KHDRBS2: variants seen among roughly 807,000 people sequenced by gnomAD.
The protein encoded by KHDRBS2 is KH domain-containing, RNA-binding, signal transduction-associated protein 2.
A neutral mutation model predicts 44.3 loss-of-function variants in KHDRBS2; 26 were observed. That is an observed-to-expected ratio of 0.59 (90% confidence interval 0.43 to 0.81). KHDRBS2 has a LOEUF of 0.81. Among genes scored for constraint, KHDRBS2 ranks in the 40% least tolerant of loss-of-function variants. The probability of loss-of-function intolerance (pLI) is 0.00; values close to 1 mark genes in which losing one functional copy is unlikely to be tolerated. For missense variants in KHDRBS2, 476 were observed against 433.1 expected, an observed-to-expected ratio of 1.10 and a Z score of -0.88; for synonymous variants, 194 against 151.1, an observed-to-expected ratio of 1.28 and a Z score of -2.08.
intron 1 of KHDRBS2, among the ~76,000 whole-genome samples, chr6:62,214,704 A>G (rs891524110): frequency 1.3e-5 from 2 of 151,978 alleles, no homozygotes; most frequent in Non-Finnish European, 2.9e-5. Flanking sequence ...TGTGCTCAAA[A>G]GAGGAAACTG....
At chr6:61,643,772 A>T in the KHDRBS2 span, among the ~76,000 whole-genome samples, 11 of 152,220 alleles carry the variant, frequency 7.2e-5, no homozygotes, top group Admixed American at 1.3e-4. Context: ...CTCTGCAATG[A>T]GAATTACAAA....
At chr6:62,219,089 G>T (rs1465759269) in intron 1 of KHDRBS2, among the ~76,000 whole-genome samples, 2 of 151,632 alleles carry the variant, frequency 1.3e-5, no homozygotes, top group East Asian at 3.9e-4. Flanking sequence ...CACACTAACA[G>T]CCAAGACTTC....
chr6:61,901,502 T>C (rs182527916), intron 4 of KHDRBS2, 131 bp from the exon 5 acceptor site: 45 of 669,790 alleles, frequency 6.7e-5, no homozygotes, highest in Middle Eastern at 4.3e-4. Flanking sequence ...GAACTTTATA[T>C]GCAAAAATAT....
At chr6:61,656,656 C>T in the KHDRBS2 span, among the ~76,000 whole-genome samples, 1 of 151,808 alleles carries the variant, frequency 6.6e-6, no homozygotes. Flanking sequence ...GTAGACACAC[C>T]AGGGTCTACT....
At chr6:61,674,002 G>T in the KHDRBS2 span, among the ~76,000 whole-genome samples, 1 of 151,738 alleles carries the variant, frequency 6.6e-6, no homozygotes, top group Non-Finnish European at 1.5e-5. Flanking sequence ...ATTCTTTAAA[G>T]CAGAGTTTTG....
intron 1 of KHDRBS2, among the ~76,000 whole-genome samples, chr6:62,277,543 CGT>C (rs1412008302): frequency 6.6e-6 from 1 of 152,132 alleles, no homozygotes; most frequent in South Asian, 2.1e-4. Context: ...GGGGTTTCAC[CGT>C]GTTAGGCAGG....
intron 4 of KHDRBS2, among the ~76,000 whole-genome samples, chr6:61,925,627 T>A (rs1047835906): frequency 8.0e-5 from 12 of 150,528 alleles, no homozygotes; most frequent in Non-Finnish European, 1.5e-4. Context: ...GAGGCTGAAG[T>A]GGGAGGATCG....
intron 2 of KHDRBS2, among the ~76,000 whole-genome samples, chr6:62,071,897 T>C (rs1795203970): frequency 6.6e-6 from 1 of 152,178 alleles, no homozygotes; most frequent in Non-Finnish European, 1.5e-5. Context: ...GGTAGCTTGA[T>C]GGGGATGGCA....
At chr6:62,056,058 C>T (rs958772767) in intron 2 of KHDRBS2, among the ~76,000 whole-genome samples, 1 of 151,982 alleles carries the variant, frequency 6.6e-6, no homozygotes, top group Non-Finnish European at 1.5e-5. Context: ...ATCTTTACGG[C>T]CTGTTGGTGG....
At chr6:61,956,882 A>G (rs1470628953) in intron 4 of KHDRBS2, among the ~76,000 whole-genome samples, 1 of 149,348 alleles carries the variant, frequency 6.7e-6, no homozygotes, top group Non-Finnish European at 1.5e-5. Flanking sequence ...TATGCATAGC[A>G]AACATTCCAT....
At chr6:61,670,048 C>T in the KHDRBS2 span, among the ~76,000 whole-genome samples, 5 of 151,236 alleles carry the variant, frequency 3.3e-5, no homozygotes, top group Admixed American at 2.7e-4. Context: ...TAGAAAAGAA[C>T]TATAAACCAA....
At chr6:62,033,439 A>G (rs1233875999) in intron 3 of KHDRBS2, among the ~76,000 whole-genome samples, 4 of 151,972 alleles carry the variant, frequency 2.6e-5, no homozygotes, top group Non-Finnish European at 5.9e-5. Context: ...AAGATCAAGA[A>G]TAAAGTAAAG....
the KHDRBS2 span, among the ~76,000 whole-genome samples, chr6:61,637,113 A>G: frequency 3.3e-5 from 5 of 152,176 alleles, no homozygotes; most frequent in South Asian, 1.0e-3. Flanking sequence ...TACATGTGCC[A>G]TGCTGGTGTG....
At chr6:61,854,970 T>C (rs1011226472) in intron 6 of KHDRBS2, among the ~76,000 whole-genome samples, 1 of 152,136 alleles carries the variant, frequency 6.6e-6, no homozygotes, top group Non-Finnish European at 1.5e-5. Flanking sequence ...TATTCACACG[T>C]AGGACTGTCA....
At chr6:62,140,836 A>G (rs1321248415) in intron 2 of KHDRBS2, among the ~76,000 whole-genome samples, 3 of 152,222 alleles carry the variant, frequency 2.0e-5, no homozygotes, top group Non-Finnish European at 4.4e-5. Context: ...TTTAGAATCA[A>G]AGGAAATATA....
At chr6:61,676,836 T>C (rs1480583349), downstream of KHDRBS2, among the ~76,000 whole-genome samples, 1 of 151,834 alleles carries the variant, frequency 6.6e-6, no homozygotes, top group Admixed American at 6.6e-5. Context: ...GCCATGCTAA[T>C]ATTTTAGATA....
chr6:62,128,060 A>C lies in KHDRBS2; in HGVS notation c.219+49125T>G, dbSNP rs560997213. Among the ~76,000 whole-genome samples, 18 of 152,268 alleles carry C rather than the reference A, an allele frequency of 1.2e-4. No individual in the cohort carries two copies. In the South Asian group the frequency reaches 3.7e-3, roughly 32 times the overall value. ...CTTTTATGTCCCTTTACATGATTCTAATGCAGAAACAGTTACTTCCTTGCA... is the reference window on the plus strand; with the variant it reads ...CTTTTATGTCCCTTTACATGATTCTCATGCAGAAACAGTTACTTCCTTGCA... On this transcript the variant is annotated intron_variant, in intron 2 of 8. Coordinates refer to ENST00000281156, the MANE Select transcript of KHDRBS2 (RefSeq NM_152688.4).
At chr6:62,012,010 A>G (rs1282224181) in intron 3 of KHDRBS2, among the ~76,000 whole-genome samples, 1 of 152,176 alleles carries the variant, frequency 6.6e-6, no homozygotes, top group East Asian at 1.9e-4. Flanking sequence ...GTAAGCAAAT[A>G]AAAAATGACA....
chr6:62,109,269 A>T (rs1804418711), intron 2 of KHDRBS2, among the ~76,000 whole-genome samples: 2 of 152,044 alleles, frequency 1.3e-5, no homozygotes, highest in African/African-American at 2.4e-5. Context: ...GATGCTGATG[A>T]AACATTTGAA....
Sources: allele counts gnomAD v4.1 joint callset (sites outside exome capture counted in the v4.1 genomes callset), GRCh38; gene constraint gnomAD v4.1.1; transcripts MANE v1.5; gene names NCBI Gene and HGNC (gene_info 2026-07-23, HGNC 2026-07-21).